The following MAML3 variants were observed in gnomAD, a reference collection of about 807,000 sequenced individuals.
The protein encoded by MAML3 is mastermind-like protein 3.
In MAML3, 27 loss-of-function variants were observed where a neutral mutation model predicts 101.9. That is an observed-to-expected ratio of 0.27 (90% CI 0.20 to 0.37). The LOEUF (loss-of-function observed/expected upper bound fraction) is 0.37, where lower values mean the gene tolerates loss of function less well. Ranked by LOEUF, MAML3 falls within the 10% of genes least tolerant of loss-of-function variation. MAML3 has a pLI of 1.00. For missense variants in MAML3, 1,316 were observed against 1,444.9 expected (o/e 0.91, Z 1.45); for synonymous variants, 501 against 555.9 (o/e 0.90, Z 1.39).
intron 1 of MAML3, among the ~76,000 whole-genome samples, chr4:139,907,523 A>G (rs538113299): frequency 6.6e-6 from 1 of 152,350 alleles, no homozygotes; most frequent in African/African-American, 2.4e-5. Context: ...ATTACACTTG[A>G]ATCCTAATCA....
At chr4:139,775,184 T>C (rs917423604) in intron 2 of MAML3, among the ~76,000 whole-genome samples, 3 of 152,208 alleles carry the variant, frequency 2.0e-5, no homozygotes, top group Non-Finnish European at 4.4e-5. Context: ...CCTATTTTCA[T>C]TGCCCTAGGT....
intron 1 of MAML3, among the ~76,000 whole-genome samples, chr4:140,004,617 G>C (rs1038674300): frequency 6.6e-6 from 1 of 152,158 alleles, no homozygotes; most frequent in Non-Finnish European, 1.5e-5. Flanking sequence ...CGGGCTGCGA[G>C]TGTGTGACAC....
intron 2 of MAML3, among the ~76,000 whole-genome samples, chr4:139,845,214 GAAGT>G (rs1731420631): frequency 6.6e-6 from 1 of 152,186 alleles, no homozygotes; most frequent in Non-Finnish European, 1.5e-5. Context: ...TCACACCAAA[GAAGT>G]AAGAAGATGG....
intron 1 of MAML3, among the ~76,000 whole-genome samples, chr4:139,961,479 C>A (rs1734013147): frequency 6.6e-6 from 1 of 152,148 alleles, no homozygotes. Context: ...CAGTCAATTC[C>A]ATCATCCTGG....
chr4:140,013,677 T>C (rs1726600239), intron 1 of MAML3, among the ~76,000 whole-genome samples: 1 of 152,236 alleles, frequency 6.6e-6, no homozygotes, highest in Non-Finnish European at 1.5e-5. Context: ...CTCAAAGTCA[T>C]ACAACCAAGA....
intron 1 of MAML3, among the ~76,000 whole-genome samples, chr4:140,100,291 G>A (rs1355807574): frequency 6.6e-6 from 1 of 152,080 alleles, no homozygotes; most frequent in Non-Finnish European, 1.5e-5. Flanking sequence ...CCTTTCTCAA[G>A]TTTATTATTT....
At chr4:139,781,334 T>A (rs917524258) in intron 2 of MAML3, among the ~76,000 whole-genome samples, 1 of 152,102 alleles carries the variant, frequency 6.6e-6, no homozygotes, top group Non-Finnish European at 1.5e-5. Context: ...GGAAAGCCTT[T>A]TATATCTACA....
intron 2 of MAML3, among the ~76,000 whole-genome samples, chr4:139,795,887 A>C (rs1205274227): frequency 6.6e-6 from 1 of 152,218 alleles, no homozygotes. Flanking sequence ...TGCACATGTA[A>C]ATACACACAT....
chr4:139,760,086 G>A (rs1401066815), intron 2 of MAML3, among the ~76,000 whole-genome samples: 3 of 152,248 alleles, frequency 2.0e-5, no homozygotes, highest in African/African-American at 7.2e-5. Context: ...GTCAAGAGTA[G>A]GTTCCTTGGA....
intron 1 of MAML3, among the ~76,000 whole-genome samples, chr4:140,012,984 C>T (rs891443716): frequency 1.3e-5 from 2 of 152,184 alleles, no homozygotes; most frequent in Non-Finnish European, 2.9e-5. Flanking sequence ...GACCTCTATC[C>T]GTGGTGCGTA....
intron 2 of MAML3, among the ~76,000 whole-genome samples, chr4:139,881,230 G>A (rs1480828634): frequency 1.3e-5 from 2 of 152,138 alleles, no homozygotes; most frequent in African/African-American, 4.8e-5. Flanking sequence ...ACTCTGCAGA[G>A]ATGAAACCAC....
intron 1 of MAML3, among the ~76,000 whole-genome samples, chr4:139,975,267 A>AT (rs1165941260): frequency 1.3e-5 from 2 of 152,044 alleles, no homozygotes; most frequent in African/African-American, 4.8e-5. Flanking sequence ...CACTTCAAGC[A>AT]TTTTCACATG....
At chr4:139,864,963 C>T (rs909749949) in intron 2 of MAML3, among the ~76,000 whole-genome samples, 7 of 35,914 alleles carry the variant, frequency 1.9e-4, no homozygotes, top group African/African-American at 7.9e-4. Flanking sequence ...TGCCACAAAG[C>T]TTTACTTGTT....
chr4:139,929,533 T>C (rs1483938636), intron 1 of MAML3, among the ~76,000 whole-genome samples: 2 of 152,236 alleles, frequency 1.3e-5, no homozygotes, highest in Non-Finnish European at 2.9e-5. Context: ...ACTCTATTAA[T>C]GTTGTATCAC....
At chr4:139,824,536 T>C (rs1244541274) in intron 2 of MAML3, among the ~76,000 whole-genome samples, 1 of 152,178 alleles carries the variant, frequency 6.6e-6, no homozygotes, top group Non-Finnish European at 1.5e-5. Context: ...ACTTCCATCA[T>C]ATTAGAAGAT....
chr4:139,733,471 A>G (rs1728804858), intron 2 of MAML3, among the ~76,000 whole-genome samples: 1 of 151,142 alleles, frequency 6.6e-6, no homozygotes, highest in South Asian at 2.1e-4. Context: ...AGAAAGAGAG[A>G]GGCAAATGGG....
rs1391037410 is a variant in MAML3, at chr4:140,153,419, G to A, written c.-92C>T. 1.4e-6 allele frequency: 2 copies of A among 1,390,050 alleles called. No individual in the cohort carries two copies. Among genetic ancestry groups the A allele is most frequent in the South Asian group, 3.2e-5 (2 of 62,582 alleles). 86.1% of individuals were successfully genotyped at this position (1,390,050 alleles called of 1,614,324 possible). On this transcript the variant is annotated 5_prime_UTR_variant, in exon 1 of 5. Transcript: ENST00000509479. ...GGGTCCAAGGATTAAAATAGTTTAA[G>A]TGGAACGCGGGGGAGACGCAAGCAC... is the stretch of plus-strand genomic sequence containing the variant.
intron 2 of MAML3, among the ~76,000 whole-genome samples, chr4:139,801,789 G>A (rs1730614251): frequency 6.6e-6 from 1 of 152,060 alleles, no homozygotes; most frequent in African/African-American, 2.4e-5. Context: ...CAGACAGAAT[G>A]ACTAAGGTGG....
intron 2 of MAML3, among the ~76,000 whole-genome samples, chr4:139,881,772 G>A (rs990481103): frequency 1.2e-4 from 18 of 152,292 alleles, no homozygotes; most frequent in East Asian, 1.9e-4. Flanking sequence ...TGCGATCTCC[G>A]CTCACTGCAA....
Sources: allele counts gnomAD v4.1 joint callset (sites outside exome capture counted in the v4.1 genomes callset), GRCh38; gene constraint gnomAD v4.1.1; transcripts MANE v1.5; gene names NCBI Gene and HGNC (gene_info 2026-07-23, HGNC 2026-07-21).